GRM7: variants seen among roughly 807,000 people sequenced by gnomAD.
GRM7 encodes the protein metabotropic glutamate receptor 7.
A neutral mutation model predicts 84.5 loss-of-function variants in GRM7; 35 were observed. The ratio of observed to expected loss-of-function variants is 0.41; its 90% CI spans 0.32 to 0.55. The LOEUF is 0.55. Ranked by LOEUF, GRM7 falls within the 20% of genes least tolerant of loss-of-function variation. The pLI, the probability that GRM7 is intolerant of heterozygous loss-of-function variation, is 0.19. For synonymous variants in GRM7, 487 were observed against 455.1 expected (o/e 1.07, Z -0.89); for missense variants, 1,003 against 1,194.6 (o/e 0.84, Z 2.36).
At chr3:7,491,004 A>G (rs12497116) in intron 7 of GRM7, among the ~76,000 whole-genome samples, 89,785 of 151,802 alleles carry the variant, frequency 0.59, 26,891 homozygotes, top group East Asian at 0.74. Flanking sequence ...TACATTACAA[A>G]TAAGCAAGAA....
At chr3:7,016,744 G>A (rs1695580553) in intron 1 of GRM7, among the ~76,000 whole-genome samples, 1 of 152,130 alleles carries the variant, frequency 6.6e-6, no homozygotes, top group Non-Finnish European at 1.5e-5. Context: ...AACATTCGAA[G>A]TACAATATGT....
At chr3:7,700,664 A>G (rs1400705461) in intron 9 of GRM7, among the ~76,000 whole-genome samples, 1 of 152,214 alleles carries the variant, frequency 6.6e-6, no homozygotes, top group Non-Finnish European at 1.5e-5. Context: ...AAATCATTAT[A>G]CAACAGCCAT....
rs562159437 is a variant in GRM7, at chr3:7,194,122, A to G, written c.736+47454A>G. 4.6e-5 allele frequency among the ~76,000 whole-genome samples: 7 copies of G among 152,282 alleles called. 1 individual carries two copies. The East Asian group carries it at 1.4e-3, about 29-fold the overall frequency. ...CCATTAATTAGAAAAAAAATATTGTATAAAATGCATTTTCTCTGATGTAAA... is the reference window on the plus strand; with the variant it reads ...CCATTAATTAGAAAAAAAATATTGTGTAAAATGCATTTTCTCTGATGTAAA... On this transcript the variant is annotated intron_variant, in intron 2 of 9. Transcript: ENST00000357716.
intron 9 of GRM7, among the ~76,000 whole-genome samples, chr3:7,693,125 C>G (rs956394058): frequency 6.6e-6 from 1 of 151,992 alleles, no homozygotes; most frequent in African/African-American, 2.4e-5. Flanking sequence ...GTTTAATTCT[C>G]AGAATTCATT....
intron 1 of GRM7, among the ~76,000 whole-genome samples, chr3:6,877,047 A>C (rs867589072): frequency 6.6e-6 from 1 of 152,220 alleles, no homozygotes; most frequent in East Asian, 1.9e-4. Flanking sequence ...ATTTCAGCCA[A>C]TTGAATGGAA....
intron 4 of GRM7, among the ~76,000 whole-genome samples, chr3:7,336,309 T>C (rs912142379): frequency 6.6e-6 from 1 of 151,678 alleles, no homozygotes; most frequent in African/African-American, 2.4e-5. Context: ...GTCATCTCAA[T>C]TGCAAAAAAA....
intron 6 of GRM7, among the ~76,000 whole-genome samples, chr3:7,458,550 A>C (rs1011512189): frequency 2.6e-5 from 4 of 152,240 alleles, no homozygotes; most frequent in African/African-American, 9.6e-5. Flanking sequence ...TAGATAAAGT[A>C]TGCAGCTCTT....
intron 2 of GRM7, among the ~76,000 whole-genome samples, chr3:7,278,837 C>T (rs1404636117): frequency 6.6e-6 from 1 of 152,142 alleles, no homozygotes; most frequent in Non-Finnish European, 1.5e-5. Context: ...TGGATAGATA[C>T]AAACTAAGTA....
At chr3:7,406,513 A>G (rs1385223333) in intron 4 of GRM7, among the ~76,000 whole-genome samples, 2 of 152,130 alleles carry the variant, frequency 1.3e-5, no homozygotes, top group South Asian at 2.1e-4. Flanking sequence ...AAAAAATCAT[A>G]AAAATTATTA....
At chr3:7,350,549 C>T (rs1693094096) in intron 4 of GRM7, among the ~76,000 whole-genome samples, 1 of 152,066 alleles carries the variant, frequency 6.6e-6, no homozygotes, top group Admixed American at 6.6e-5. Context: ...CCTGTATAGC[C>T]TGCAAAACTG....
chr3:7,299,434 C>T (rs1699923105), intron 3 of GRM7, among the ~76,000 whole-genome samples: 1 of 152,052 alleles, frequency 6.6e-6, no homozygotes, highest in South Asian at 2.1e-4. Context: ...GTCCGGAGTC[C>T]TTATTTTTAG....
intron 4 of GRM7, among the ~76,000 whole-genome samples, chr3:7,362,761 A>G (rs140678419): frequency 1.3e-5 from 2 of 152,210 alleles, no homozygotes; most frequent in South Asian, 4.1e-4. Flanking sequence ...GTTAATTCAG[A>G]TATCAGTCCT....
chr3:7,247,337 C>A (rs1447526178), intron 2 of GRM7, among the ~76,000 whole-genome samples: 1 of 151,852 alleles, frequency 6.6e-6, no homozygotes, highest in African/African-American at 2.4e-5. Flanking sequence ...CTTGAGAGGC[C>A]GAGGCACAAA....
chr3:7,189,709 T>A (rs990485961), intron 2 of GRM7, among the ~76,000 whole-genome samples: 2 of 152,140 alleles, frequency 1.3e-5, no homozygotes, highest in East Asian at 3.9e-4. Flanking sequence ...ATTTAAAATA[T>A]GTACCTATAA....
intron 7 of GRM7, among the ~76,000 whole-genome samples, chr3:7,514,155 C>T (rs905538229): frequency 2.0e-5 from 3 of 152,180 alleles, no homozygotes; most frequent in Non-Finnish European, 4.4e-5. Context: ...ACATTGACTA[C>T]TAGTATGATT....
intron 7 of GRM7, among the ~76,000 whole-genome samples, chr3:7,506,655 G>A (rs1005221679): frequency 2.0e-5 from 3 of 152,152 alleles, no homozygotes; most frequent in African/African-American, 4.8e-5. Flanking sequence ...TACCTCATAC[G>A]GGCCTTCTTC....
chr3:7,181,193 C>G (rs892244236), intron 2 of GRM7, among the ~76,000 whole-genome samples: 7 of 152,192 alleles, frequency 4.6e-5, no homozygotes, highest in African/African-American at 1.7e-4. Flanking sequence ...CCCTTCTCTT[C>G]TTTCCATACC....
intron 4 of GRM7, among the ~76,000 whole-genome samples, chr3:7,383,971 C>T (rs13064153): frequency 0.11 from 16,508 of 152,086 alleles, 1,297 homozygotes; most frequent in African/African-American, 0.21. Context: ...CTGGACCCTA[C>T]TCTAAGGGTA....
rs572678750 is a variant in GRM7 at position 7,689,146 on chromosome 3, G to C, written c.2698+8851G>C. Among the ~76,000 whole-genome samples, 7 of 152,236 alleles carry C rather than the reference G, an allele frequency of 4.6e-5. No individual in the cohort carries two copies. The East Asian group carries it at 1.4e-3, about 29-fold the overall frequency. On this transcript the variant is annotated intron_variant, in intron 9 of 9. Transcript: ENST00000357716. ...TAGGAGGTAAATTTTCACACCCTAG[G>C]ATGGTATTTGGATGAAAAAACTTTG...
Sources: allele counts gnomAD v4.1 joint callset (sites outside exome capture counted in the v4.1 genomes callset), GRCh38; gene constraint gnomAD v4.1.1; transcripts MANE v1.5; gene names NCBI Gene and HGNC (gene_info 2026-07-23, HGNC 2026-07-21).